Variants in FAM131B observed in about 807,000 individuals in gnomAD.
FAM131B encodes the protein protein FAM131B.
FAM131B carries 19 observed loss-of-function variants against 42.0 expected under a neutral mutation model. The observed-to-expected ratio is 0.45, with a 90% CI of 0.32 to 0.66. FAM131B has a LOEUF of 0.66. Ranked by LOEUF, FAM131B falls within the 30% of genes least tolerant of loss-of-function variation. FAM131B has a pLI of 0.05. For missense variants in FAM131B, 370 were observed against 468.4 expected (o/e 0.79, Z 1.94); for synonymous variants, 183 against 177.6 (o/e 1.03, Z -0.24).
At chr7:143,357,083 A>G in intron 6 of FAM131B, 61 bp from the exon 7 acceptor site, 1 of 1,295,348 alleles carries the variant, frequency 7.7e-7, no homozygotes, top group African/African-American at 1.5e-5. Flanking sequence ...GAATGACAGC[A>G]CAGACAGCAC....
At chr7:143,370,202 T>G in the FAM131B span, among the ~76,000 whole-genome samples, 42 of 152,322 alleles carry the variant, frequency 2.8e-4, no homozygotes, top group South Asian at 4.1e-4. Flanking sequence ...ATTTGCCCCT[T>G]GATCTTTCTC....
the FAM131B span, among the ~76,000 whole-genome samples, chr7:143,378,886 A>G: frequency 6.6e-6 from 1 of 152,148 alleles, no homozygotes; most frequent in South Asian, 2.1e-4. Flanking sequence ...CATTGTCTTC[A>G]TTTTAAGAGC....
At position 143,359,138 on chromosome 7, in the gene FAM131B, TC is replaced by T. The variant is rs1406062752; in HGVS notation, c.269-115del. The T allele has an allele frequency of 8.5e-7, 1 of 1,174,578 alleles. No homozygotes were observed. Among genetic ancestry groups the T allele is most frequent in the Non-Finnish European group, 1.2e-6 (1 of 822,712 alleles). 72.8% of individuals were successfully genotyped at this position (1,174,578 alleles called of 1,614,324 possible). On this transcript the variant is annotated intron_variant, in intron 4 of 6. Coordinates refer to ENST00000443739, the MANE Select transcript of FAM131B (RefSeq NM_001031690.3). The surrounding 1 kb of genome is among the most constrained non-coding windows in gnomAD (Gnocchi z 5.4). ...GAGGCTCCATCCCACTGGGCCAGGC[TC>T]CCCTAAGGACTCCATAGATGGGGTA...
chr7:143,359,398 A>C lies in FAM131B; in HGVS notation c.196T>G (p.Ser66Ala). 3 of 1,613,608 alleles carry C rather than the reference A, an allele frequency of 1.9e-6. No individual in the cohort carries two copies. The highest frequency in any genetic ancestry group is 2.5e-6 in the Non-Finnish European group (3 of 1,179,858). ...TTTCGCTTAAGCTTCGGAAGAATGG[A>C]AGTGGTGTCCTCCATGGAGAGCTGG... Reference protein sequence around the residue: ...GINLSMEDTTSILPKLKRNSN... With the variant: ...GINLSMEDTTAILPKLKRNSN... Residue 66 changes from serine to alanine, a missense_variant, in exon 4 of 7, where the codon TCC (serine) becomes GCC (alanine). Physicochemically the swap from Ser to Ala is moderately conservative, Grantham distance 99 (BLOSUM62 1). Transcript: ENST00000443739. The surrounding 1 kb of genome is among the most constrained non-coding windows in gnomAD (Gnocchi z 5.4).
the FAM131B span, among the ~76,000 whole-genome samples, chr7:143,375,154 T>C: frequency 6.6e-6 from 1 of 152,172 alleles, no homozygotes; most frequent in Non-Finnish European, 1.5e-5. Flanking sequence ...TGAAAGTCCT[T>C]AAGCTTTACC....
In FAM131B at chr7:143,362,312, A is replaced by C; in HGVS notation, c.28+264T>G. Among the ~76,000 whole-genome samples the C allele has an allele frequency of 6.6e-6, 1 of 151,896 alleles. No homozygotes were observed. The highest frequency in any genetic ancestry group is 1.9e-4 in the East Asian group (1 of 5,130). On this transcript the variant is annotated intron_variant, in intron 1 of 6. Coordinates refer to ENST00000443739, the MANE Select transcript of FAM131B (RefSeq NM_001031690.3). This position sits in a 1 kb window ranked among gnomAD's most constrained non-coding sequence, Gnocchi z 7.7. ...GGCAGAGGAGAGGAGGGCGATGGAGAGGATGGAGAGGACCGCGCCTGCGGG... is the reference window on the plus strand; with the variant it reads ...GGCAGAGGAGAGGAGGGCGATGGAGCGGATGGAGAGGACCGCGCCTGCGGG...
the FAM131B span, among the ~76,000 whole-genome samples, chr7:143,376,882 A>G: frequency 2.0e-5 from 3 of 152,338 alleles, no homozygotes; most frequent in South Asian, 6.2e-4. Flanking sequence ...AAAGTAATAC[A>G]TGTTCACAGG....
In FAM131B at chr7:143,353,655, C is replaced by T. The variant is rs1396971552; in HGVS notation, c.*2895G>A. ...GTGACATTAAGAAAACATGCTAAGA[C>T]TGGCCAGAAAAATGGATATTTCCCA... On this transcript the variant is annotated 3_prime_UTR_variant, in exon 7 of 7. Coordinates refer to ENST00000443739, the MANE Select transcript of FAM131B (RefSeq NM_001031690.3). 6.6e-6 allele frequency: 1 copy of T among 152,582 alleles called. No individual in the cohort carries two copies. Among genetic ancestry groups the T allele is most frequent in the Middle Eastern group, 3.2e-3 (1 of 316 alleles). The allele number at this position is 152,582 out of a possible 1,614,324, so 9.5% of individuals were successfully genotyped here. A position where few individuals can be genotyped will look rare whatever the true frequency, so the allele number is the denominator to read the frequency against.
At position 143,354,221 on chromosome 7, in the gene FAM131B, G is replaced by A. The variant is rs996481271; in HGVS notation, c.*2329C>T. On this transcript the variant is annotated 3_prime_UTR_variant, in exon 7 of 7. Coordinates refer to ENST00000443739, the MANE Select transcript of FAM131B (RefSeq NM_001031690.3). Reference sequence around the variant, plus strand: ...TATGCCAGCACCCTGGGGAAAGCAGGTTCATGTATGAACCCTGCTAGAGTC... The same window carrying A: ...TATGCCAGCACCCTGGGGAAAGCAGATTCATGTATGAACCCTGCTAGAGTC... The A allele has an allele frequency of 6.6e-6, 1 of 152,480 alleles. No individual in the cohort carries two copies. Among genetic ancestry groups the A allele is most frequent in the Non-Finnish European group, 1.5e-5 (1 of 68,062 alleles). The allele number at this position is 152,480 out of a possible 1,614,324, so 9.4% of individuals were successfully genotyped here.
Position 143,356,817 on chromosome 7 carries a change from G to A in FAM131B, c.816C>T (p.Tyr272=), listed in dbSNP as rs201753321. 3.1e-6 allele frequency: 5 copies of A among 1,614,176 alleles called. No homozygotes were observed. The highest frequency in any genetic ancestry group is 4.2e-6 in the Non-Finnish European group (5 of 1,180,036). The change falls in exon 7 of 7, where the codon TAC becomes TAT. Residue 272 remains tyrosine (Y), a synonymous_variant. Coordinates refer to ENST00000443739, the MANE Select transcript of FAM131B (RefSeq NM_001031690.3). This position sits in a 1 kb window ranked among gnomAD's most constrained non-coding sequence, Gnocchi z 4.4. ...EMGPSQPASG[Y]SALEPPPLLG... is the part of the protein sequence containing the mutation. ...GCAAAGGTGGAGGCTCCAGAGCAGA[G>A]TATCCTGAAGCTGGTTGGGAAGGTC... is the stretch of plus-strand genomic sequence containing the variant.
the FAM131B span, chr7:143,380,159 C>A: frequency 1.0e-6 from 1 of 983,098 alleles, no homozygotes; most frequent in African/African-American, 1.8e-5. The surrounding 1 kb of genome is among the most constrained non-coding windows in gnomAD (Gnocchi z 5.0). Flanking sequence ...ACTGGACTAG[C>A]GGGCGAAAGG....
In FAM131B at chr7:143,356,950, G is replaced by A. The variant is rs778571208; in HGVS notation, c.683C>T (p.Ser228Leu). Residue 228 changes from serine (S) to leucine (L), a missense_variant, in exon 7 of 7, where the codon TCG becomes TTG. Transcript: ENST00000443739. This position sits in a 1 kb window ranked among gnomAD's most constrained non-coding sequence, Gnocchi z 4.4. The stretch of plus-strand genomic sequence containing the variant: ...ATCGCTGGCTTCCCAGGCATCTGAC[G>A]ACCCCAGACAGTACATACCCTGGGA... Reference protein sequence around the residue: ...YVSQGMYCLGSSDAWEASDQS... With the variant: ...YVSQGMYCLGLSDAWEASDQS... 1.8e-5 allele frequency: 29 copies of A among 1,613,936 alleles called. No homozygotes were observed. The highest frequency in any genetic ancestry group is 3.3e-5 in the Admixed American group (2 of 60,010).
At chr7:143,369,698 C>G in the FAM131B span, among the ~76,000 whole-genome samples, 1 of 145,996 alleles carries the variant, frequency 6.8e-6, no homozygotes, top group Non-Finnish European at 1.5e-5. Flanking sequence ...AAGTTTTAAG[C>G]GAGTAGATCT....
the FAM131B span, chr7:143,380,696 T>A: frequency 1.0e-6 from 1 of 985,290 alleles, no homozygotes; most frequent in Non-Finnish European, 1.2e-6. This position sits in a 1 kb window ranked among gnomAD's most constrained non-coding sequence, Gnocchi z 5.0. Flanking sequence ...CCAAGAATGC[T>A]GGAGGTTCCG....
the FAM131B span, among the ~76,000 whole-genome samples, chr7:143,377,688 G>GT: frequency 6.6e-6 from 1 of 151,948 alleles, no homozygotes; most frequent in African/African-American, 2.4e-5. Flanking sequence ...TAGAAGGGGC[G>GT]AATATATATA....
At chr7:143,379,026 T>A in the FAM131B span, among the ~76,000 whole-genome samples, 8 of 152,274 alleles carry the variant, frequency 5.3e-5, no homozygotes, top group Non-Finnish European at 8.8e-5. Flanking sequence ...GCATTCTGAA[T>A]GCTCTTAGTT....
At chr7:143,377,061 C>T in the FAM131B span, among the ~76,000 whole-genome samples, 13 of 152,158 alleles carry the variant, frequency 8.5e-5, no homozygotes, top group South Asian at 2.1e-4. Context: ...CTGCAACCTC[C>T]ACCTCCTGGT....
intron 1 of FAM131B, chr7:143,360,433 C>A (rs1371279600): frequency 3.1e-6 from 4 of 1,275,654 alleles, no homozygotes; most frequent in Non-Finnish European, 4.0e-6. Flanking sequence ...ACCAATTATT[C>A]CGTCCTGAGG....
At chr7:143,357,514 C>A (rs1803725619) in intron 5 of FAM131B, 91 bp from the exon 6 acceptor site, 1 of 1,088,684 alleles carries the variant, frequency 9.2e-7, no homozygotes, top group Middle Eastern at 2.6e-4. Flanking sequence ...CAGCACTGTT[C>A]AGTAGAAATA....
Sources: allele counts gnomAD v4.1 joint callset (sites outside exome capture counted in the v4.1 genomes callset), GRCh38; gene constraint gnomAD v4.1.1; non-coding constraint Gnocchi (gnomAD v3.1); transcripts MANE v1.5; gene names NCBI Gene and HGNC (gene_info 2026-07-23, HGNC 2026-07-21).